The following TRERF1 variants were observed in gnomAD, a reference collection of about 807,000 sequenced individuals.
TRERF1 encodes the protein transcriptional regulating factor 1.
In TRERF1, 27 loss-of-function variants were observed where a neutral mutation model predicts 122.9. The ratio of observed to expected loss-of-function variants is 0.22; its 90% CI spans 0.16 to 0.30. The LOEUF (loss-of-function observed/expected upper bound fraction) is 0.30, where lower values mean the gene tolerates loss of function less well. TRERF1 is among the 10% of genes least tolerant of loss of function. TRERF1 has a pLI of 1.00. For missense variants in TRERF1, 1,248 were observed against 1,560.3 expected (o/e 0.80, Z 3.37); for synonymous variants, 636 against 641.7 (o/e 0.99, Z 0.13).
chr6:42,236,147 G>C, intron 16 of TRERF1, 58 bp downstream of exon 16: 1 of 1,510,642 alleles, frequency 6.6e-7, no homozygotes, highest in Non-Finnish European at 8.8e-7. Context: ...CTTAAAGCCA[G>C]GCACAGCTAT....
At chr6:42,411,398 T>TC in intron 2 of TRERF1, among the ~76,000 whole-genome samples, 1 of 152,252 alleles carries the variant, frequency 6.6e-6, no homozygotes, top group South Asian at 2.1e-4. Context: ...CACCTGGTTA[T>TC]CACTAACAAA....
chr6:42,367,993 T>G (rs762755739), intron 2 of TRERF1, among the ~76,000 whole-genome samples: 1 of 152,084 alleles, frequency 6.6e-6, no homozygotes, highest in African/African-American at 2.4e-5. Flanking sequence ...GGCCCTAACA[T>G]TTTTACTTGC....
At chr6:42,332,245 GA>G (rs1416740068) in intron 3 of TRERF1, among the ~76,000 whole-genome samples, 4 of 152,222 alleles carry the variant, frequency 2.6e-5, no homozygotes, top group African/African-American at 9.6e-5. Context: ...GCCCAGCGGG[GA>G]AACATTCTAA....
chr6:42,386,415 C>T (rs112684616), intron 2 of TRERF1, among the ~76,000 whole-genome samples: 4,454 of 152,174 alleles, frequency 0.029, 213 homozygotes, highest in African/African-American at 0.1. Flanking sequence ...TGCATTCCAG[C>T]CTGGGCGACA....
exon 6 of TRERF1, chr6:42,265,780 C>T (rs17704222): frequency 0.081 from 130,444 of 1,612,946 alleles, 5,837 homozygotes; most frequent in Non-Finnish European, 0.091. Context: ...GCTGGGCTCT[C>T]CCATCAGGTA....
chr6:42,414,183 A>T (rs1291017756), intron 2 of TRERF1, among the ~76,000 whole-genome samples: 1 of 152,242 alleles, frequency 6.6e-6, no homozygotes, highest in South Asian at 2.1e-4. Context: ...GTGAAAAACA[A>T]CCAAGGGGAA....
chr6:42,421,811 A>T (rs535613188), intron 2 of TRERF1, among the ~76,000 whole-genome samples: 10 of 152,110 alleles, frequency 6.6e-5, no homozygotes, highest in South Asian at 6.2e-4. Context: ...TTAAATAAAT[A>T]AAATTGCTGG....
chr6:42,328,821 G>A (rs1043982587), intron 3 of TRERF1, among the ~76,000 whole-genome samples: 16 of 152,128 alleles, frequency 1.1e-4, no homozygotes, highest in African/African-American at 3.6e-4. Context: ...ACCGGCTGGG[G>A]AAAATGAGGC....
chr6:42,298,223 T>G (rs1785427470), intron 4 of TRERF1, among the ~76,000 whole-genome samples: 1 of 152,014 alleles, frequency 6.6e-6, no homozygotes, highest in Non-Finnish European at 1.5e-5. Flanking sequence ...TGGTATGGTC[T>G]CAACTCACAG....
intron 3 of TRERF1, among the ~76,000 whole-genome samples, chr6:42,329,346 C>G (rs765672250): frequency 3.9e-5 from 6 of 152,012 alleles, no homozygotes; most frequent in African/African-American, 1.4e-4. Context: ...ATCATGCCCC[C>G]TCCTGACATT....
In TRERF1 at chr6:42,323,082, T is replaced by C. The variant is rs147533900; in HGVS notation, c.-370-22333A>G. 6.0e-3 allele frequency among the ~76,000 whole-genome samples: 916 copies of C among 152,004 alleles called. 2 individuals carry two copies. Among genetic ancestry groups the C allele is most frequent in the Non-Finnish European group, 0.011 (722 of 67,968 alleles). ...ATCTGAATGAAAAAAAAAAATGGAT[T>C]CAACAAAACATGTATTTGTCTAAGA... is the stretch of plus-strand genomic sequence containing the variant. On this transcript the variant is annotated intron_variant, in intron 3 of 17. Coordinates refer to ENST00000372922, the Ensembl canonical transcript of TRERF1.
intron 2 of TRERF1, among the ~76,000 whole-genome samples, chr6:42,405,140 AGT>A (rs1779978709): frequency 6.6e-6 from 1 of 151,964 alleles, no homozygotes; most frequent in Non-Finnish European, 1.5e-5. Context: ...TAGACAGAAA[AGT>A]GAGGCATTAA....
In TRERF1 at chr6:42,236,287, A is replaced by G. The variant is rs750079260; in HGVS notation, c.2984T>C (p.Leu995Pro). ...CAGGGGCGGCCCCTCCGTGGGAGCC[A>G]GGACGGGGACGGGTGGTGGCTCCGG... is the stretch of plus-strand genomic sequence containing the variant. The change falls in exon 16 of 18, where the codon CTG becomes CCG. Residue 995 changes from leucine (L) to proline (P), a missense_variant. By Grantham distance (98) the Leu-to-Pro change is moderately conservative. Around this residue, in one of 5 missense-constraint regions of TRERF1, gnomAD observed 159 missense variants for 221.7 expected, o/e 0.72. Transcript: ENST00000372922. The G allele has an allele frequency of 5.3e-5, 86 of 1,612,114 alleles. No homozygotes were observed. The East Asian group carries it at 1.9e-3, about 36-fold the overall frequency.
intron 2 of TRERF1, among the ~76,000 whole-genome samples, chr6:42,431,098 TA>T (rs1784436403): frequency 6.6e-6 from 1 of 151,634 alleles, no homozygotes; most frequent in African/African-American, 2.4e-5. Context: ...AAGAAAATGT[TA>T]ATCAATAACT....
chr6:42,266,354 A>T (rs1393644703), intron 5 of TRERF1, among the ~76,000 whole-genome samples: 1 of 152,008 alleles, frequency 6.6e-6, no homozygotes, highest in African/African-American at 2.4e-5. Flanking sequence ...ACACCCAGCT[A>T]AATTTTTGAT....
chr6:42,424,356 T>A (rs937367724), intron 2 of TRERF1, among the ~76,000 whole-genome samples: 1 of 152,222 alleles, frequency 6.6e-6, no homozygotes, highest in African/African-American at 2.4e-5. Flanking sequence ...ATCCTAAATT[T>A]CTTGAATGCC....
At chr6:42,425,181 C>T (rs558371017) in intron 2 of TRERF1, among the ~76,000 whole-genome samples, 1 of 152,140 alleles carries the variant, frequency 6.6e-6, no homozygotes, top group Non-Finnish European at 1.5e-5. Context: ...ATTAGCCATG[C>T]TTCCTCAAAA....
intron 16 of TRERF1, among the ~76,000 whole-genome samples, chr6:42,233,441 A>G (rs1019090230): frequency 6.6e-6 from 1 of 151,774 alleles, no homozygotes; most frequent in Admixed American, 6.6e-5. Flanking sequence ...GCCCGCCACC[A>G]CGCCTGGCTA....
chr6:42,287,292 TAAA>T (rs1187993828), intron 4 of TRERF1, among the ~76,000 whole-genome samples: 1 of 124,442 alleles, frequency 8.0e-6, no homozygotes, highest in Non-Finnish European at 1.8e-5. Context: ...TAAAGTATAA[TAAA>T]AAAAAAAAAA....
Sources: gnomAD v4.1 joint callset for allele counts (sites outside exome capture counted in the v4.1 genomes callset) on GRCh38, gnomAD v4.1.1 for gene constraint, gnomAD v4.1.1 regional missense constraint, MANE v1.5 for transcripts, NCBI Gene and HGNC (gene_info 2026-07-23, HGNC 2026-07-21) for gene names.